MACROD2: variants seen among roughly 807,000 people sequenced by gnomAD.
The protein encoded by MACROD2 is mono-ADP ribosylhydrolase 2, also known as ADP-ribose glycohydrolase MACROD2.
In MACROD2, 36 loss-of-function variants were observed where a neutral mutation model predicts 70.4. The observed-to-expected ratio is 0.51, with a 90% confidence interval of 0.39 to 0.68. The LOEUF (loss-of-function observed/expected upper bound fraction) is 0.68, where lower values mean the gene tolerates loss of function less well. Ranked by LOEUF, MACROD2 falls within the 30% of genes least tolerant of loss-of-function variation. The probability of loss-of-function intolerance (pLI) is 0.00; values close to 1 mark genes in which losing one functional copy is unlikely to be tolerated. For synonymous variants in MACROD2, 172 were observed against 178.8 expected (o/e 0.96, Z 0.30); for missense variants, 496 against 538.4 (o/e 0.92, Z 0.78).
chr20:14,036,525 A>G (rs76375477), intron 2 of MACROD2, among the ~76,000 whole-genome samples: 2,023 of 152,312 alleles, frequency 0.013, 18 homozygotes, highest in Non-Finnish European at 0.02. Flanking sequence ...TAGAAAATCA[A>G]TTTTGGGTGG....
At chr20:14,751,564 A>G (rs902651857) in intron 5 of MACROD2, among the ~76,000 whole-genome samples, 1 of 152,068 alleles carries the variant, frequency 6.6e-6, no homozygotes, top group Non-Finnish European at 1.5e-5. Context: ...GGGGCAAACA[A>G]TTCTGAAGTT....
At chr20:14,380,183 G>C (rs751136084) in intron 3 of MACROD2, among the ~76,000 whole-genome samples, 2 of 151,980 alleles carry the variant, frequency 1.3e-5, no homozygotes, top group African/African-American at 4.8e-5. Context: ...GTTTTGATTG[G>C]TATTTCCCAA....
At chr20:14,737,635 T>C (rs1199744082) in intron 5 of MACROD2, among the ~76,000 whole-genome samples, 1 of 152,230 alleles carries the variant, frequency 6.6e-6, no homozygotes, top group Non-Finnish European at 1.5e-5. Context: ...GACTGTTTAA[T>C]GATCACCATT....
chr20:14,701,923 G>A (rs566893095), intron 5 of MACROD2, among the ~76,000 whole-genome samples: 1 of 152,112 alleles, frequency 6.6e-6, no homozygotes, highest in South Asian at 2.1e-4. Context: ...GGAAAATCAG[G>A]CACAGAGAGG....
intron 3 of MACROD2, among the ~76,000 whole-genome samples, chr20:14,228,986 T>A (rs2081773172): frequency 1.2e-5 from 1 of 80,838 alleles, no homozygotes; most frequent in East Asian, 3.4e-4. Flanking sequence ...CACCAGACTC[T>A]GTCTCAAAAA....
intron 3 of MACROD2, among the ~76,000 whole-genome samples, chr20:14,119,741 A>G (rs1169559225): frequency 6.6e-6 from 1 of 152,222 alleles, no homozygotes; most frequent in Non-Finnish European, 1.5e-5. Flanking sequence ...AAGTAAATGT[A>G]CTTATATTTG....
intron 7 of MACROD2, among the ~76,000 whole-genome samples, chr20:15,484,334 A>T (rs771902564): frequency 6.6e-6 from 1 of 152,156 alleles, no homozygotes; most frequent in Non-Finnish European, 1.5e-5. Flanking sequence ...GGGGAGGGGA[A>T]GTATTATATA....
At chr20:14,880,634 C>G (rs935939633) in intron 5 of MACROD2, among the ~76,000 whole-genome samples, 4 of 152,190 alleles carry the variant, frequency 2.6e-5, no homozygotes, top group Non-Finnish European at 4.4e-5. Flanking sequence ...ATGCATTTAG[C>G]TTATCTACAG....
At chr20:15,159,605 TAATTATGTA>T (rs2076333589) in intron 5 of MACROD2, among the ~76,000 whole-genome samples, 2 of 141,498 alleles carry the variant, frequency 1.4e-5, no homozygotes, top group Non-Finnish European at 3.0e-5. Flanking sequence ...TCACAAACTC[TAATTATGTA>T]AGGAGATTGA....
At chr20:15,080,115 C>CAAATAAATAAATAAAT (rs11467492) in intron 5 of MACROD2, among the ~76,000 whole-genome samples, 3 of 143,358 alleles carry the variant, frequency 2.1e-5, no homozygotes, top group Non-Finnish European at 4.6e-5. Flanking sequence ...ACAGAACAGC[C>CAAATAAATAAATAAAT]AAATAAATAA....
chr20:14,898,627 G>T (rs1465176454), intron 5 of MACROD2, among the ~76,000 whole-genome samples: 1 of 152,112 alleles, frequency 6.6e-6, no homozygotes, highest in Admixed American at 6.5e-5. Context: ...CTGGGCTATA[G>T]TCTGGGTAGG....
chr20:15,943,710 A>C (rs2065781862), intron 12 of MACROD2, among the ~76,000 whole-genome samples: 1 of 152,144 alleles, frequency 6.6e-6, no homozygotes, highest in Admixed American at 6.6e-5. Context: ...GGAAGTGAGG[A>C]TAAGAAAATG....
chr20:15,153,542 T>C (rs1202910151), intron 5 of MACROD2, among the ~76,000 whole-genome samples: 3 of 152,264 alleles, frequency 2.0e-5, no homozygotes, highest in Admixed American at 6.5e-5. Context: ...TGTAACTTCC[T>C]AGATAAATAA....
At position 15,897,767 on chromosome 20, in the gene MACROD2, C is replaced by T. The variant is rs562373049; in HGVS notation, c.775+11956C>T. On this transcript the variant is annotated intron_variant, in intron 10 of 17. Coordinates refer to ENST00000684519, the MANE Select transcript of MACROD2 (RefSeq NM_001351661.2). Reference sequence around the variant, plus strand: ...TTTATTTAATTAACACATAAAATACCTTTAATAATCTGCATCATAAATTTA... The same window carrying T: ...TTTATTTAATTAACACATAAAATACTTTTAATAATCTGCATCATAAATTTA... 2.7e-4 allele frequency among the ~76,000 whole-genome samples: 41 copies of T among 152,062 alleles called. No homozygotes were observed. The South Asian group carries it at 4.8e-3, about 18-fold the overall frequency.
intron 5 of MACROD2, among the ~76,000 whole-genome samples, chr20:14,799,771 G>C (rs1156279419): frequency 6.6e-6 from 1 of 151,998 alleles, no homozygotes; most frequent in East Asian, 1.9e-4. Context: ...GACCTTACTT[G>C]CTGGGTTGGA....
intron 5 of MACROD2, among the ~76,000 whole-genome samples, chr20:15,107,380 C>T (rs562685071): frequency 3.3e-4 from 50 of 151,922 alleles, no homozygotes; most frequent in Non-Finnish European, 6.5e-4. Context: ...AAAAAACTAC[C>T]ATTTGTTGTC....
chr20:15,652,463 A>G (rs1217507849), intron 8 of MACROD2, among the ~76,000 whole-genome samples: 2 of 152,184 alleles, frequency 1.3e-5, no homozygotes, highest in Non-Finnish European at 2.9e-5. Flanking sequence ...ACAGTCAGTA[A>G]TATAGAAAAG....
intron 3 of MACROD2, among the ~76,000 whole-genome samples, chr20:14,492,078 A>G (rs1346061182): frequency 6.6e-6 from 1 of 152,218 alleles, no homozygotes; most frequent in African/African-American, 2.4e-5. Flanking sequence ...ATGCCCCTTC[A>G]ATAAGTTACC....
intron 5 of MACROD2, among the ~76,000 whole-genome samples, chr20:15,170,634 T>G (rs936573760): frequency 6.6e-6 from 1 of 152,132 alleles, no homozygotes; most frequent in African/African-American, 2.4e-5. Context: ...CAATTCATCC[T>G]CAGAGCTCCC....
Sources: gnomAD v4.1 joint callset for allele counts (sites outside exome capture counted in the v4.1 genomes callset) on GRCh38, gnomAD v4.1.1 for gene constraint, MANE v1.5 for transcripts, NCBI Gene and HGNC (gene_info 2026-07-23, HGNC 2026-07-21) for gene names.